ABCA10: variants seen among roughly 807,000 people sequenced by gnomAD.
ABCA10 encodes the protein ATP-binding cassette sub-family A member 10.
Under a neutral mutation model 187.5 loss-of-function variants are expected in ABCA10, and 169 were observed. The observed-to-expected ratio is 0.90, with a 90% CI of 0.80 to 1.02. The LOEUF is 1.02. Among genes scored for constraint, ABCA10 ranks in the 50% least tolerant of loss-of-function variants. The probability of loss-of-function intolerance (pLI) is 0.00; values close to 1 mark genes in which losing one functional copy is unlikely to be tolerated. For synonymous variants in ABCA10, 574 were observed against 601.8 expected (o/e 0.95, Z 0.68); for missense variants, 1,727 against 1,812.4 (o/e 0.95, Z 0.86).
chr17:69,156,069 A>C, intron 28 of ABCA10, 144 bp from the exon 29 acceptor site: 1 of 964,130 alleles, frequency 1.0e-6, no homozygotes, highest in Non-Finnish European at 1.4e-6. Context: ...TCTTCTTGGC[A>C]GTAATAACAC....
At chr17:69,159,185 CTAAA>C (rs1246584946) in intron 27 of ABCA10, among the ~76,000 whole-genome samples, 12 of 151,864 alleles carry the variant, frequency 7.9e-5, no homozygotes, top group African/African-American at 2.2e-4. Flanking sequence ...ATTCACTAAA[CTAAA>C]TAAAGTCATA....
At position 69,152,439 on chromosome 17, in the gene ABCA10, G is replaced by A; in HGVS notation, c.4179C>T (p.Thr1393=). The A allele has an allele frequency of 1.2e-6, 2 of 1,613,752 alleles. No individual in the cohort carries two copies. ...QATVKNKERG[T]LLTTHYMSEA... ...CTGACATGTAATGGGTGGTCAAGAGGGTGCCCCTCTCCTTGTTTTTAACGG... is the reference window on the plus strand; with the variant it reads ...CTGACATGTAATGGGTGGTCAAGAGAGTGCCCCTCTCCTTGTTTTTAACGG... Residue 1393 remains threonine (T), a synonymous_variant, in exon 35 of 39, where the codon ACC becomes ACT. Transcript: ENST00000690296.
chr17:69,191,281 T>C lies in ABCA10; in HGVS notation c.1906A>G (p.Ile636Val). 6.2e-7 allele frequency: 1 copy of C among 1,601,420 alleles called. No homozygotes were observed. Among genetic ancestry groups the C allele is most frequent in the Non-Finnish European group, 8.5e-7 (1 of 1,172,784 alleles). Residue 636 changes from isoleucine (I) to valine (V), a missense_variant, in exon 17 of 39, where the codon ATC becomes GTC. Ile to Val is a conservative substitution (Grantham distance 29, BLOSUM62 3). Transcript: ENST00000690296. ...HRNEMCDTEKITSLIKQHIPD... is the reference protein window; with the variant it reads ...HRNEMCDTEKVTSLIKQHIPD... ...ATGTGCTGCTTAATAAGGGATGTGA[T>C]TTTTTCTGTGTCACACATTTCATTC... is the stretch of plus-strand genomic sequence containing the variant.
intron 25 of ABCA10, 126 bp from the exon 26 acceptor site, chr17:69,165,209 T>C: frequency 1.8e-5 from 14 of 778,898 alleles, no homozygotes; most frequent in Non-Finnish European, 2.8e-5. Context: ...CAGATAGAAA[T>C]ATTCTTAGGA....
chr17:69,215,575 G>C, intron 8 of ABCA10: 1 of 343,052 alleles, frequency 2.9e-6, no homozygotes, highest in Non-Finnish European at 5.1e-6. Flanking sequence ...ATATTTCTCA[G>C]TGGTCAGATA....
At chr17:69,236,590 T>C (rs2074873119) in intron 1 of ABCA10, among the ~76,000 whole-genome samples, 1 of 152,204 alleles carries the variant, frequency 6.6e-6, no homozygotes, top group African/African-American at 2.4e-5. Flanking sequence ...TATGAAACAT[T>C]ACTTGTGTAT....
intron 18 of ABCA10, among the ~76,000 whole-genome samples, chr17:69,188,249 A>G (rs1237960967): frequency 6.6e-6 from 1 of 152,096 alleles, no homozygotes. Flanking sequence ...TTTCCCCTAC[A>G]GGATTAGTTC....
In ABCA10 at chr17:69,193,961, G is replaced by C; in HGVS notation, c.1374C>G (p.Leu458=). Residue 458 remains leucine (L), a synonymous_variant, in exon 13 of 39, where the codon CTC becomes CTG. Coordinates refer to ENST00000690296, the MANE Select transcript of ABCA10 (RefSeq NM_001377321.1). The stretch of plus-strand genomic sequence containing the variant: ...TTTCTTCCATGTCAGTTATTTCAGA[G>C]AGTTGAGTATTATAAATAGTGGCTG... ...EGSATIYNTQ[L]SEITDMEEIR... is the part of the protein sequence containing the mutation. 10 of 1,605,396 alleles carry C rather than the reference G, an allele frequency of 6.2e-6. No individual in the cohort carries two copies. The highest frequency in any genetic ancestry group is 1.4e-5 in the African/African-American group (1 of 70,418).
chr17:69,181,297 T>A (rs1361723853), intron 22 of ABCA10, among the ~76,000 whole-genome samples: 1 of 152,206 alleles, frequency 6.6e-6, no homozygotes, highest in East Asian at 1.9e-4. Context: ...TCCAACCAAA[T>A]CCATTCACTG....
intron 36 of ABCA10, among the ~76,000 whole-genome samples, chr17:69,151,245 A>G (rs1401661972): frequency 6.6e-6 from 1 of 152,158 alleles, no homozygotes; most frequent in East Asian, 1.9e-4. Flanking sequence ...TTTCCTGGAA[A>G]CAGTGTCTGT....
At chr17:69,197,900 A>G (rs1364709000) in intron 10 of ABCA10, among the ~76,000 whole-genome samples, 1 of 152,180 alleles carries the variant, frequency 6.6e-6, no homozygotes, top group Non-Finnish European at 1.5e-5. Flanking sequence ...AATGATTCCC[A>G]AATTTGTGTT....
chr17:69,183,380 G>A (rs1169381906), intron 20 of ABCA10, among the ~76,000 whole-genome samples: 1 of 152,128 alleles, frequency 6.6e-6, no homozygotes, highest in East Asian at 1.9e-4. Flanking sequence ...GTTGGTCACA[G>A]GGAGAAGTCA....
intron 9 of ABCA10, 74 bp from the exon 10 acceptor site, chr17:69,201,742 T>C: frequency 8.3e-7 from 1 of 1,208,174 alleles, no homozygotes; most frequent in Non-Finnish European, 1.1e-6. Context: ...TGTCCTTTAC[T>C]TGATATCAAT....
chr17:69,194,011 G>C (rs567990154), intron 12 of ABCA10, 22 bp from the exon 13 acceptor site: 13 of 1,549,094 alleles, frequency 8.4e-6, no homozygotes, highest in Middle Eastern at 1.7e-4. Flanking sequence ...AATTTAAAAG[G>C]CTTTACTGCC....
chr17:69,164,907 AT>A (rs1424866975), intron 26 of ABCA10, 56 bp downstream of exon 26: 2 of 1,561,122 alleles, frequency 1.3e-6, no homozygotes, highest in Non-Finnish European at 1.7e-6. Context: ...ATGGGTAAGG[AT>A]TTTATTAATG....
chr17:69,204,200 C>G (rs1309383850), intron 9 of ABCA10, among the ~76,000 whole-genome samples: 1 of 152,184 alleles, frequency 6.6e-6, no homozygotes, highest in Non-Finnish European at 1.5e-5. Flanking sequence ...TTAATAATTT[C>G]TACATCACAG....
Position 69,154,257 on chromosome 17 carries a change from C to T in ABCA10, c.3764G>A (p.Cys1255Tyr), listed in dbSNP as rs1394043104. The change falls in exon 31 of 39, where the codon TGC becomes TAC. Residue 1255 changes from cysteine (C) to tyrosine (Y), a missense_variant. Cys to Tyr is a radical substitution (Grantham distance 194). Transcript: ENST00000690296. ...KSTSIKMITG[C>Y]TKPTAGVVVL... ...TACCACTCCTGCAGTTGGCTTTGTG[C>T]ACCCAGTTATCATTTTAATGGAAGT... 3.0e-5 allele frequency: 49 copies of T among 1,611,784 alleles called. 1 individual carries two copies. The Admixed American group carries it at 7.5e-4, about 25-fold the overall frequency.
intron 27 of ABCA10, among the ~76,000 whole-genome samples, chr17:69,160,021 C>T (rs867609486): frequency 5.9e-5 from 9 of 152,014 alleles, no homozygotes; most frequent in South Asian, 4.1e-4. Context: ...AAATGGAAGA[C>T]CTAAAACTAT....
At chr17:69,212,564 G>A (rs2144834697) in intron 9 of ABCA10, among the ~76,000 whole-genome samples, 1 of 152,224 alleles carries the variant, frequency 6.6e-6, no homozygotes, top group Non-Finnish European at 1.5e-5. Flanking sequence ...GAGTATCGAA[G>A]TCCCCCACTA....
Sources: gnomAD v4.1 joint callset for allele counts (sites outside exome capture counted in the v4.1 genomes callset) on GRCh38, gnomAD v4.1.1 for gene constraint, MANE v1.5 for transcripts, NCBI Gene and HGNC (gene_info 2026-07-23, HGNC 2026-07-21) for gene names.